Variants in ZNF316 observed in about 807,000 individuals in gnomAD.
ZNF316 encodes the protein zinc finger protein 316.
ZNF316 carries 23 observed loss-of-function variants against 75.6 expected under a neutral mutation model. The observed-to-expected ratio is 0.30, with a 90% CI of 0.22 to 0.43. The LOEUF is 0.43. Among genes scored for constraint, ZNF316 ranks in the 20% least tolerant of loss-of-function variants. The pLI is 1.00. For missense variants in ZNF316, 1,266 were observed against 1,409.4 expected, an observed-to-expected ratio of 0.90 and a Z score of 1.63; for synonymous variants, 827 against 666.2, an observed-to-expected ratio of 1.24 and a Z score of -3.72.
In ZNF316 at chr7:6,653,990, C is replaced by T. The variant is rs564551833; in HGVS notation, c.2394C>T (p.Thr798=). The change falls in exon 9 of 9, where the codon ACC becomes ACT. Residue 798 remains threonine (T), a synonymous_variant. Transcript: ENST00000382252. ...TGACGGCGCACGGGCGCGCGCACAC[C>T]GGGGAGCGGCCTTACGCGTGTGGAG... ...AHLTAHGRAH[T]GERPYACGEC... 1.4e-5 allele frequency: 16 copies of T among 1,180,548 alleles called. No homozygotes were observed. The South Asian group carries it at 5.4e-4, about 40-fold the overall frequency. 73.1% of individuals were successfully genotyped at this position (1,180,548 alleles called of 1,614,324 possible). A position where few individuals can be genotyped will look rare whatever the true frequency, so the allele number is the denominator to read the frequency against.
In ZNF316 at chr7:6,654,481, G is replaced by C; in HGVS notation, c.2885G>C (p.Gly962Ala). 3 of 1,186,874 alleles carry C rather than the reference G, an allele frequency of 2.5e-6. No individual in the cohort carries two copies. The highest frequency in any genetic ancestry group is 3.1e-6 in the Non-Finnish European group (3 of 959,330). 73.5% of individuals were successfully genotyped at this position (1,186,874 alleles called of 1,614,324 possible). A position where few individuals can be genotyped will look rare whatever the true frequency, so the allele number is the denominator to read the frequency against. ...CCCAAGCCCGAGGCGGCCGCCAAGG[G>C]GCCGTCCAGTGCCGGCCCCGGTGAG... ...PAPKPEAAAK[G>A]PSSAGPGERG... is the part of the protein sequence containing the mutation. Residue 962 changes from glycine to alanine, a missense_variant, in exon 9 of 9, where the codon GGG becomes GCG. This residue lies in a region of ZNF316 where 111 missense variants were observed against 99.2 expected (regional missense o/e 1.12). Transcript: ENST00000382252.
chr7:6,649,360 C>T (rs1001882269), intron 8 of ZNF316, among the ~76,000 whole-genome samples: 13 of 152,238 alleles, frequency 8.5e-5, no homozygotes, highest in South Asian at 6.2e-4. Flanking sequence ...GGGCTGCTGT[C>T]GCATGGTTCC....
At position 6,654,656 on chromosome 7, in the gene ZNF316, C is replaced by T; in HGVS notation, c.*45C>T. 1 of 1,165,472 alleles carries T rather than the reference C, an allele frequency of 8.6e-7. No individual in the cohort carries two copies. Among genetic ancestry groups the T allele is most frequent in the Non-Finnish European group, 1.1e-6 (1 of 944,658 alleles). The allele number at this position is 1,165,472 out of a possible 1,614,324, so 72.2% of individuals were successfully genotyped here. A position where few individuals can be genotyped will look rare whatever the true frequency, so the allele number is the denominator to read the frequency against. On this transcript the variant is annotated 3_prime_UTR_variant, in exon 9 of 9. Transcript: ENST00000382252. ...AGCGCAGCCTGCAGGGCCACCGGCC[C>T]CTCCCTTGGACGGCCGGCCCCCCGC...
At chr7:6,648,292 A>C (rs1779445543) in intron 8 of ZNF316, among the ~76,000 whole-genome samples, 1 of 152,062 alleles carries the variant, frequency 6.6e-6, no homozygotes, top group African/African-American at 2.4e-5. Context: ...CCAGGGGCCT[A>C]TCTAGGATTA....
chr7:6,654,856 C>T lies in ZNF316; in HGVS notation c.*245C>T, dbSNP rs765703608. 49 of 275,508 alleles carry T rather than the reference C, an allele frequency of 1.8e-4. No individual in the cohort carries two copies. The highest frequency in any genetic ancestry group is 2.5e-4 in the Non-Finnish European group (37 of 149,048). The allele number at this position is 275,508 out of a possible 1,614,324, so 17.1% of individuals were successfully genotyped here. On this transcript the variant is annotated 3_prime_UTR_variant, in exon 9 of 9. Transcript: ENST00000382252. ...CAGCGAGGCCAGGACGTCACCCCCA[C>T]GGAGACTGCGATATCCCCTGGGTGG...
In ZNF316 at chr7:6,653,112, G is replaced by A; in HGVS notation, c.1516G>A (p.Gly506Ser). The A allele has an allele frequency of 1.7e-6, 2 of 1,167,652 alleles. No individual in the cohort carries two copies. The highest frequency in any genetic ancestry group is 4.2e-5 in the South Asian group (1 of 23,802). The allele number at this position is 1,167,652 out of a possible 1,614,324, so 72.3% of individuals were successfully genotyped here. ...LRADFQRHRR[G>S]GGCAEAGGDG... ...CGCCGACTTCCAGCGCCACCGACGCGGCGGGGGCTGCGCGGAGGCGGGTGG... is the reference window on the plus strand; with the variant it reads ...CGCCGACTTCCAGCGCCACCGACGCAGCGGGGGCTGCGCGGAGGCGGGTGG... The change falls in exon 9 of 9, where the codon GGC becomes AGC. Residue 506 changes from glycine (G) to serine (S), a missense_variant. Gly to Ser is a moderately conservative substitution (Grantham distance 56). This residue lies in a region of ZNF316 where 961 missense variants were observed against 990.9 expected (regional missense o/e 0.97). Coordinates refer to ENST00000382252, the MANE Select transcript of ZNF316 (RefSeq NM_001278559.2).
In ZNF316 at chr7:6,657,902, A is replaced by T. The variant is rs1254831251; in HGVS notation, c.*3291A>T. 7.0e-6 allele frequency among the ~76,000 whole-genome samples: 1 copy of T among 143,706 alleles called. No homozygotes were observed. The highest frequency in any genetic ancestry group is 2.5e-5 in the African/African-American group (1 of 40,516). The allele number at this position is 143,706 out of a possible 152,430, so 94.3% of individuals were successfully genotyped here. On this transcript the variant is annotated 3_prime_UTR_variant, in exon 9 of 9. Coordinates refer to ENST00000382252, the MANE Select transcript of ZNF316 (RefSeq NM_001278559.2). ...TAGTTGACTGTCCAGCCAAATACTTAAAAAAAAAGTTTATAGGGAGAAAAA... is the reference window on the plus strand; with the variant it reads ...TAGTTGACTGTCCAGCCAAATACTTTAAAAAAAAGTTTATAGGGAGAAAAA...
At chr7:6,648,803 C>A (rs937139099) in intron 8 of ZNF316, among the ~76,000 whole-genome samples, 3 of 151,926 alleles carry the variant, frequency 2.0e-5, no homozygotes, top group African/African-American at 7.2e-5. Flanking sequence ...CTTCAGCCTG[C>A]AGGAGGGTTG....
rs1192408148 is a variant in ZNF316, at chr7:6,653,873, C to T, written c.2277C>T (p.Gly759=). 19 of 1,094,614 alleles carry T rather than the reference C, an allele frequency of 1.7e-5. No homozygotes were observed. Among genetic ancestry groups the T allele is most frequent in the Non-Finnish European group, 1.9e-5 (17 of 899,634 alleles). 67.8% of individuals were successfully genotyped at this position (1,094,614 alleles called of 1,614,324 possible). A position where few individuals can be genotyped will look rare whatever the true frequency, so the allele number is the denominator to read the frequency against. ...CPECGARFAR[G]SHLAAHVRGH... ...AGTGCGGCGCGCGGTTCGCCCGCGGCTCGCACTTGGCGGCGCACGTGCGCG... is the reference window on the plus strand; with the variant it reads ...AGTGCGGCGCGCGGTTCGCCCGCGGTTCGCACTTGGCGGCGCACGTGCGCG... Residue 759 remains glycine (G), a synonymous_variant, in exon 9 of 9, where the codon GGC becomes GGT. Transcript: ENST00000382252.
In ZNF316 at chr7:6,643,807, GCT is replaced by G. The variant is rs1779352897; in HGVS notation, c.466-12_466-11del. ...GGGCTCCCTCAGCCTCTCACCTGAGGCTCTGTTTCCCCAGGAGCTGGTGACGT... is the reference window on the plus strand; with the variant it reads ...GGGCTCCCTCAGCCTCTCACCTGAGGCTGTTTCCCCAGGAGCTGGTGACGT... On this transcript the variant is annotated splice_polypyrimidine_tract_variant and intron_variant, in intron 6 of 8. Coordinates refer to ENST00000382252, the MANE Select transcript of ZNF316 (RefSeq NM_001278559.2). 8.1e-7 allele frequency: 1 copy of G among 1,234,542 alleles called. No homozygotes were observed. The highest frequency in any genetic ancestry group is 4.1e-5 in the South Asian group (1 of 24,414). 76.5% of individuals were successfully genotyped at this position (1,234,542 alleles called of 1,614,324 possible). A position where few individuals can be genotyped will look rare whatever the true frequency, so the allele number is the denominator to read the frequency against.
At chr7:6,650,299 C>T (rs1000220171) in intron 8 of ZNF316, among the ~76,000 whole-genome samples, 1 of 152,210 alleles carries the variant, frequency 6.6e-6, no homozygotes, top group African/African-American at 2.4e-5. Flanking sequence ...CTTTGCTGCT[C>T]TGTGCACGGA....
rs972111901 is a variant in ZNF316 at position 6,658,166 on chromosome 7, T to C, written c.*3555T>C. On this transcript the variant is annotated 3_prime_UTR_variant, in exon 9 of 9. Transcript: ENST00000382252. ...CTTTTATCCTGATCTTTTCACTTAA[T>C]CTCGTCCAACATTTCCTTCTATCTC... Among the ~76,000 whole-genome samples, 1 of 152,198 alleles carries C rather than the reference T, an allele frequency of 6.6e-6. No homozygotes were observed.
rs1779367170 is a variant in ZNF316, at chr7:6,644,547, T to C, written c.660T>C (p.Asp220=). 6.5e-6 allele frequency: 8 copies of C among 1,232,326 alleles called. No individual in the cohort carries two copies. Among genetic ancestry groups the C allele is most frequent in the Non-Finnish European group, 7.1e-6 (7 of 988,038 alleles). 76.3% of individuals were successfully genotyped at this position (1,232,326 alleles called of 1,614,324 possible). A position where few individuals can be genotyped will look rare whatever the true frequency, so the allele number is the denominator to read the frequency against. ...AAGGGGAAGAACCTTGGGTCCCAGA[T>C]AGTCCCCGACCTGAGGAAGGAGACA... is the stretch of plus-strand genomic sequence containing the variant. The part of the protein sequence containing the change: ...LEQGEEPWVP[D]SPRPEEGDIV... The change falls in exon 8 of 9, where the codon GAT becomes GAC. Residue 220 remains aspartate, a synonymous_variant. Transcript: ENST00000382252.
rs1030556101 is a variant in ZNF316 at position 6,653,631 on chromosome 7, CCCGCGCCGG to C, written c.2042_2050del (p.Pro681_Ala683del). 11 of 1,062,492 alleles carry C rather than the reference CCCGCGCCGG, an allele frequency of 1.0e-5. No homozygotes were observed. In the African/African-American group the frequency reaches 1.9e-4, roughly 18 times the overall value. 65.8% of individuals were successfully genotyped at this position (1,062,492 alleles called of 1,614,324 possible). On this transcript the variant is annotated inframe_deletion, in exon 9 of 9. Coordinates refer to ENST00000382252, the MANE Select transcript of ZNF316 (RefSeq NM_001278559.2). ...CGCCATCGGGGGTCTGCTGGCGGAG[CCCGCGCCGG>C]CCGCGCTGGCGGAGGAGGAGAGCCC... is the stretch of plus-strand genomic sequence containing the variant.
chr7:6,654,802 G>C lies in ZNF316; in HGVS notation c.*191G>C. 2 of 400,638 alleles carry C rather than the reference G, an allele frequency of 5.0e-6. No homozygotes were observed. The highest frequency in any genetic ancestry group is 7.8e-6 in the Non-Finnish European group (2 of 255,978). The allele number at this position is 400,638 out of a possible 1,614,324, so 24.8% of individuals were successfully genotyped here. A position where few individuals can be genotyped will look rare whatever the true frequency, so the allele number is the denominator to read the frequency against. Reference sequence around the variant, plus strand: ...CGTGTGCTCAGCCGGAGACGTGGGGGAGCTCTGGGGAGAAGAGCAGCGCGG... The same window carrying C: ...CGTGTGCTCAGCCGGAGACGTGGGGCAGCTCTGGGGAGAAGAGCAGCGCGG... On this transcript the variant is annotated 3_prime_UTR_variant, in exon 9 of 9. Transcript: ENST00000382252.
At chr7:6,645,281 A>G (rs1251694215) in intron 8 of ZNF316, among the ~76,000 whole-genome samples, 1 of 152,226 alleles carries the variant, frequency 6.6e-6, no homozygotes, top group Non-Finnish European at 1.5e-5. Flanking sequence ...TCCTAGCGTC[A>G]GAGAGCTCTG....
In ZNF316 at chr7:6,641,558, G is replaced by A. The variant is rs182501752; in HGVS notation, c.-166-267G>A. On this transcript the variant is annotated intron_variant, in intron 3 of 8. Coordinates refer to ENST00000382252, the MANE Select transcript of ZNF316 (RefSeq NM_001278559.2). ...GCCCTGGACCCTGGACCCTGTGTCA[G>A]TGTGGCTGCCTCTCCCCTGAGCTTC... Among the ~76,000 whole-genome samples, 603 of 152,268 alleles carry A rather than the reference G, an allele frequency of 4.0e-3. 4 individuals carry two copies. Among genetic ancestry groups the A allele is most frequent in the African/African-American group, 0.014 (569 of 41,570 alleles).
intron 6 of ZNF316, among the ~76,000 whole-genome samples, chr7:6,643,288 G>A (rs1779343674): frequency 6.6e-6 from 1 of 152,174 alleles, no homozygotes; most frequent in South Asian, 2.1e-4. Flanking sequence ...GCGTTGGGTT[G>A]TCCTGATTGC....
At position 6,653,863 on chromosome 7, in the gene ZNF316, T is replaced by G; in HGVS notation, c.2267T>G (p.Phe756Cys). 9.2e-7 allele frequency: 1 copy of G among 1,084,962 alleles called. No homozygotes were observed. Among genetic ancestry groups the G allele is most frequent in the Non-Finnish European group, 1.1e-6 (1 of 893,344 alleles). The allele number at this position is 1,084,962 out of a possible 1,614,324, so 67.2% of individuals were successfully genotyped here. The change falls in exon 9 of 9, where the codon TTC (phenylalanine) becomes TGC (cysteine). Residue 756 changes from phenylalanine to cysteine, a missense_variant. By Grantham distance (205) the Phe-to-Cys change is radical. Transcript: ENST00000382252. ...CCGTGCCCCGAGTGCGGCGCGCGGT[T>G]CGCCCGCGGCTCGCACTTGGCGGCG... ...PFPCPECGARFARGSHLAAHV... is the reference protein window; with the variant it reads ...PFPCPECGARCARGSHLAAHV...
Sources: allele counts gnomAD v4.1 joint callset (sites outside exome capture counted in the v4.1 genomes callset), GRCh38; gene constraint gnomAD v4.1.1; regional missense constraint gnomAD v4.1.1; transcripts MANE v1.5; gene names NCBI Gene and HGNC (gene_info 2026-07-23, HGNC 2026-07-21).